Variants in COL4A4 observed in about 807,000 individuals in gnomAD.
COL4A4 encodes collagen type IV alpha 4 chain.
COL4A4 carries 105 observed loss-of-function variants against 192.9 expected under a neutral mutation model. The ratio of observed to expected loss-of-function variants is 0.54; its 90% CI spans 0.46 to 0.64. COL4A4 has a LOEUF of 0.64. Ranked by LOEUF, COL4A4 falls within the 30% of genes least tolerant of loss-of-function variation. The pLI is 0.00. For synonymous variants in COL4A4, 762 were observed against 769.9 expected (o/e 0.99, Z 0.17); for missense variants, 1,967 against 2,169.3 (o/e 0.91, Z 1.85).
At chr2:227,060,330 A>T in intron 26 of COL4A4, 87 bp from the exon 27 acceptor site, 1 of 920,704 alleles carries the variant, frequency 1.1e-6, no homozygotes, top group Non-Finnish European at 1.7e-6. Context: ...AGTCTATGTT[A>T]AGTCCTTTTA....
intron 1 of COL4A4, 143 bp downstream of exon 1, chr2:227,163,864 G>A (rs1411949009): frequency 6.6e-6 from 1 of 152,518 alleles, no homozygotes. Flanking sequence ...GGAGCCAGAC[G>A]CGCTCTCCTC....
intron 37 of COL4A4, among the ~76,000 whole-genome samples, 160 bp downstream of exon 37, chr2:227,041,988 C>A (rs552069142): frequency 2.2e-4 from 34 of 152,254 alleles, no homozygotes; most frequent in African/African-American, 5.5e-4. Flanking sequence ...GCACTACCTG[C>A]AGCCCTGGCT....
chr2:227,045,967 T>TA (rs1559489776), intron 35 of COL4A4, among the ~76,000 whole-genome samples: 3 of 34,414 alleles, frequency 8.7e-5, no homozygotes, highest in African/African-American at 4.2e-4. Context: ...ATGTATATAT[T>TA]TATATGTGTA....
At chr2:227,078,440 G>A (rs1163421339) in intron 24 of COL4A4, among the ~76,000 whole-genome samples, 2 of 151,938 alleles carry the variant, frequency 1.3e-5, no homozygotes, top group African/African-American at 2.4e-5. Context: ...ACTGAGTTTC[G>A]CCATGTTGGC....
At chr2:227,000,349 A>G (rs185413725), downstream of COL4A4, among the ~76,000 whole-genome samples, 9 of 152,362 alleles carry the variant, frequency 5.9e-5, no homozygotes, top group East Asian at 1.5e-3. Context: ...TTCAGTGCGC[A>G]CAAGTGCATT....
At position 227,159,310 on chromosome 2, in the gene COL4A4, G is replaced by T. The variant is rs569532504; in HGVS notation, c.-102+4697C>A. 1.4e-4 allele frequency among the ~76,000 whole-genome samples: 21 copies of T among 152,328 alleles called. No individual in the cohort carries two copies. In the South Asian group the frequency reaches 4.3e-3, roughly 32 times the overall value. ...GAAAGCAGATCAGTAGTGGTCTGAG[G>T]ATGGGGTTTGGAAAGAGGGATGGAT... On this transcript the variant is annotated intron_variant, in intron 1 of 47. Coordinates refer to ENST00000396625, the MANE Select transcript of COL4A4 (RefSeq NM_000092.5).
In COL4A4 at chr2:227,046,503, G is replaced by A. The variant is rs1972893708; in HGVS notation, c.3289+972C>T. On this transcript the variant is annotated intron_variant, in intron 35 of 47. Transcript: ENST00000396625. ...CCATTCAAACAACGCATATTCCTGG[G>A]CATGCATCTTTGTACACTTGTCTGA... is the stretch of plus-strand genomic sequence containing the variant. 2.0e-5 allele frequency among the ~76,000 whole-genome samples: 3 copies of A among 151,936 alleles called. No homozygotes were observed. In the South Asian group the frequency reaches 6.2e-4, roughly 31 times the overall value.
rs2150364611 is a variant in COL4A4, at chr2:227,068,148, C to T, written c.1988-5550G>A. Among the ~76,000 whole-genome samples, 3 of 149,202 alleles carry T rather than the reference C, an allele frequency of 2.0e-5. No individual in the cohort carries two copies. The South Asian group carries it at 6.6e-4, about 33-fold the overall frequency. On this transcript the variant is annotated intron_variant, in intron 25 of 47. Transcript: ENST00000396625. ...ATGGATAAATTCCTCGACACATACA[C>T]TCTCCCAAGACTAAACCAGGAAGAA...
the COL4A4 span, among the ~76,000 whole-genome samples, chr2:226,981,869 C>G: frequency 2.0e-5 from 3 of 152,154 alleles, no homozygotes; most frequent in Non-Finnish European, 4.4e-5. Flanking sequence ...GTGCATTTCT[C>G]CAGATGGCTT....
chr2:227,143,518 G>T (rs2063355457), intron 3 of COL4A4, among the ~76,000 whole-genome samples: 1 of 152,010 alleles, frequency 6.6e-6, no homozygotes, highest in South Asian at 2.1e-4. Flanking sequence ...ACCACAAGCT[G>T]GTAGAAGTCC....
intron 17 of COL4A4, among the ~76,000 whole-genome samples, chr2:227,101,057 C>T (rs1310166645): frequency 6.6e-6 from 1 of 152,170 alleles, no homozygotes; most frequent in African/African-American, 2.4e-5. Flanking sequence ...ATCTGCCCGC[C>T]TCGGCCTCCC....
At position 227,034,039 on chromosome 2, in the gene COL4A4, G is replaced by A. The variant is rs1201196302; in HGVS notation, c.3506-558C>T. Among the ~76,000 whole-genome samples, 3 of 152,192 alleles carry A rather than the reference G, an allele frequency of 2.0e-5. No individual in the cohort carries two copies. The East Asian group carries it at 5.8e-4, about 29-fold the overall frequency. Reference sequence around the variant, plus strand: ...CGAGTGTGGCTCCAGCTATTGCTTTGCAGTCACTTCTTTCACAACCATTCT... The same window carrying A: ...CGAGTGTGGCTCCAGCTATTGCTTTACAGTCACTTCTTTCACAACCATTCT... On this transcript the variant is annotated intron_variant, in intron 37 of 47. Coordinates refer to ENST00000396625, the MANE Select transcript of COL4A4 (RefSeq NM_000092.5).
chr2:227,125,571 G>A (rs1479559990), intron 4 of COL4A4, among the ~76,000 whole-genome samples: 1 of 151,680 alleles, frequency 6.6e-6, no homozygotes, highest in Non-Finnish European at 1.5e-5. Context: ...TTGCATTATT[G>A]AAGGATGCTA....
intron 25 of COL4A4, among the ~76,000 whole-genome samples, chr2:227,067,723 T>C (rs1469675895): frequency 6.6e-6 from 1 of 152,036 alleles, no homozygotes; most frequent in Non-Finnish European, 1.5e-5. Flanking sequence ...AAGCAGTGTG[T>C]AGAGGGAAAT....
intron 25 of COL4A4, among the ~76,000 whole-genome samples, chr2:227,073,283 A>G (rs777617477): frequency 1.7e-4 from 25 of 147,828 alleles, no homozygotes; most frequent in Non-Finnish European, 3.3e-4. Flanking sequence ...TTAATAACTC[A>G]ATTCCTTTTA....
At position 227,045,893 on chromosome 2, in the gene COL4A4, TTTAGATA is replaced by T. The variant is rs1559488756; in HGVS notation, c.3289+1575_3289+1581del. On this transcript the variant is annotated intron_variant, in intron 35 of 47. Coordinates refer to ENST00000396625, the MANE Select transcript of COL4A4 (RefSeq NM_000092.5). ...ATATATACATATATATGTATATATA[TTTAGATA>T]GTATATATATGTATGTATATGTATA... is the stretch of plus-strand genomic sequence containing the variant. Among the ~76,000 whole-genome samples the T allele has an allele frequency of 4.8e-5, 5 of 104,056 alleles. 1 individual carries two copies. The highest frequency in any genetic ancestry group is 2.4e-4 in the East Asian group (1 of 4,186). 68.3% of individuals were successfully genotyped at this position (104,056 alleles called of 152,430 possible).
chr2:227,142,865 C>G (rs1339417270), intron 3 of COL4A4, among the ~76,000 whole-genome samples: 1 of 151,850 alleles, frequency 6.6e-6, no homozygotes, highest in Non-Finnish European at 1.5e-5. Flanking sequence ...TTTAAAAATT[C>G]AAATGGTGCC....
At chr2:227,111,619 G>T (rs968141275) in intron 9 of COL4A4, 59 bp downstream of exon 9, 13 of 1,563,320 alleles carry the variant, frequency 8.3e-6, no homozygotes, top group Non-Finnish European at 1.1e-5. Flanking sequence ...GGATTAAAAC[G>T]TGGATCATAG....
intron 15 of COL4A4, 151 bp from the exon 16 acceptor site, chr2:227,102,060 G>A: frequency 1.7e-6 from 1 of 594,034 alleles, no homozygotes; most frequent in South Asian, 2.5e-5. Flanking sequence ...ATATAAAATA[G>A]ATTCCATTTC....
Sources: allele counts gnomAD v4.1 joint callset (sites outside exome capture counted in the v4.1 genomes callset), GRCh38; gene constraint gnomAD v4.1.1; transcripts MANE v1.5; gene names NCBI Gene and HGNC (gene_info 2026-07-23, HGNC 2026-07-21).